The following PCOLCE2 variants were observed in gnomAD, a reference collection of about 807,000 sequenced individuals.
PCOLCE2 encodes the protein procollagen C-proteinase enhancer 2.
PCOLCE2 carries 42 observed loss-of-function variants against 47.0 expected under a neutral mutation model. That is an observed-to-expected ratio of 0.89 (90% CI 0.70 to 1.16). The LOEUF (loss-of-function observed/expected upper bound fraction) is 1.16. Ranked by LOEUF, PCOLCE2 falls within the 50% of genes most tolerant of loss-of-function variation. PCOLCE2 has a pLI of 0.00. For synonymous variants in PCOLCE2, 169 were observed against 191.7 expected, an observed-to-expected ratio of 0.88 and a Z score of 0.98; for missense variants, 500 against 526.1, an observed-to-expected ratio of 0.95 and a Z score of 0.49.
chr3:142,841,419 C>T (rs1937263074), intron 4 of PCOLCE2, among the ~76,000 whole-genome samples: 1 of 152,054 alleles, frequency 6.6e-6, no homozygotes, highest in Admixed American at 6.5e-5. Context: ...AAAAGAGATG[C>T]TTAACTGTAA....
At position 142,818,213 on chromosome 3, in the gene PCOLCE2, T is replaced by C. The variant is rs1936972151; in HGVS notation, c.*122A>G. On this transcript the variant is annotated 3_prime_UTR_variant, in exon 9 of 9. Transcript: ENST00000295992. ...CTCCATCATGTGAAGAGTCAACCAG[T>C]CCCATCTTTCGGAATCCTCTTTCAG... 1.1e-6 allele frequency: 1 copy of C among 923,560 alleles called. No individual in the cohort carries two copies. The highest frequency in any genetic ancestry group is 1.6e-5 in the South Asian group (1 of 60,628). 57.2% of individuals were successfully genotyped at this position (923,560 alleles called of 1,614,324 possible).
chr3:142,861,032 C>A (rs977290724), intron 2 of PCOLCE2, among the ~76,000 whole-genome samples: 2 of 152,314 alleles, frequency 1.3e-5, no homozygotes, highest in South Asian at 4.1e-4. Context: ...CAAAGGTGTA[C>A]AGAGATTAAA....
intron 7 of PCOLCE2, among the ~76,000 whole-genome samples, chr3:142,821,693 CT>C (rs34273573): frequency 0.22 from 32,655 of 149,868 alleles, 3,595 homozygotes; most frequent in East Asian, 0.29. Flanking sequence ...TTAACTTAAA[CT>C]TTTTTTTTTC....
chr3:142,884,932 A>G (rs1472360847), intron 2 of PCOLCE2, among the ~76,000 whole-genome samples: 1 of 152,250 alleles, frequency 6.6e-6, no homozygotes. Flanking sequence ...TGTGGCTAGT[A>G]TGACTAAGAA....
At chr3:142,837,100 G>A (rs750897867) in intron 5 of PCOLCE2, among the ~76,000 whole-genome samples, 23 of 152,184 alleles carry the variant, frequency 1.5e-4, no homozygotes, top group East Asian at 7.7e-4. Flanking sequence ...CAGAAGCAGC[G>A]ACTGAAGTGA....
chr3:142,829,936 G>A (rs1053017995), intron 5 of PCOLCE2, 90 bp from the exon 6 acceptor site: 81 of 660,520 alleles, frequency 1.2e-4, no homozygotes, highest in Middle Eastern at 4.1e-4. Flanking sequence ...ATTAACTTCC[G>A]ACAATAGATT....
At chr3:142,821,182 C>A in intron 7 of PCOLCE2, 137 bp from the exon 8 acceptor site, 1 of 662,000 alleles carries the variant, frequency 1.5e-6, no homozygotes, top group Non-Finnish European at 2.5e-6. Context: ...AGAGGTTTCA[C>A]ATTTGCTTCT....
intron 1 of PCOLCE2, among the ~76,000 whole-genome samples, chr3:142,888,064 T>C (rs1303950255): frequency 6.6e-6 from 1 of 152,202 alleles, no homozygotes; most frequent in Non-Finnish European, 1.5e-5. Flanking sequence ...AGGAAAATGG[T>C]AAATACATCA....
chr3:142,821,502 T>C (rs1937015133), intron 7 of PCOLCE2, among the ~76,000 whole-genome samples: 1 of 152,130 alleles, frequency 6.6e-6, no homozygotes, highest in African/African-American at 2.4e-5. Flanking sequence ...TGTAGCCACC[T>C]TTCTGTGTCT....
At chr3:142,855,224 A>C (rs1933038263) in intron 2 of PCOLCE2, among the ~76,000 whole-genome samples, 1 of 152,206 alleles carries the variant, frequency 6.6e-6, no homozygotes, top group Non-Finnish European at 1.5e-5. Flanking sequence ...TCTCACTATC[A>C]GAATGTAAGC....
intron 4 of PCOLCE2, among the ~76,000 whole-genome samples, chr3:142,841,810 C>T (rs1937266438): frequency 6.6e-6 from 1 of 151,976 alleles, no homozygotes; most frequent in African/African-American, 2.4e-5. Flanking sequence ...TTTTTAAAAA[C>T]AGTATCATAA....
At chr3:142,819,241 G>A (rs1936986160) in intron 8 of PCOLCE2, among the ~76,000 whole-genome samples, 1 of 152,118 alleles carries the variant, frequency 6.6e-6, no homozygotes, top group Admixed American at 6.5e-5. Flanking sequence ...CCTAGACTGG[G>A]GCCTGAGGTG....
chr3:142,876,911 G>A (rs1933507249), intron 2 of PCOLCE2, among the ~76,000 whole-genome samples: 1 of 152,226 alleles, frequency 6.6e-6, no homozygotes, highest in South Asian at 2.1e-4. Flanking sequence ...AGGAGGTGTG[G>A]TGATTGGGGA....
chr3:142,840,001 G>A (rs1422711083), intron 4 of PCOLCE2, among the ~76,000 whole-genome samples: 1 of 152,194 alleles, frequency 6.6e-6, no homozygotes, highest in Non-Finnish European at 1.5e-5. Flanking sequence ...GTAGGAGGGT[G>A]AGCTGAGTGG....
intron 2 of PCOLCE2, among the ~76,000 whole-genome samples, chr3:142,859,909 G>A (rs1933146388): frequency 6.6e-6 from 1 of 152,214 alleles, no homozygotes; most frequent in Non-Finnish European, 1.5e-5. Context: ...AGAGAAATCA[G>A]AGTAAAGAAG....
intron 2 of PCOLCE2, among the ~76,000 whole-genome samples, chr3:142,859,327 T>G (rs1021724279): frequency 2.0e-5 from 3 of 152,054 alleles, no homozygotes; most frequent in Non-Finnish European, 2.9e-5. Flanking sequence ...CTTCACAAAG[T>G]GCTGAGATTA....
chr3:142,833,763 CT>C (rs940167553), intron 5 of PCOLCE2, among the ~76,000 whole-genome samples: 9 of 151,970 alleles, frequency 5.9e-5, no homozygotes, highest in East Asian at 3.9e-4. Context: ...CTTTTACCCC[CT>C]TTTTTTTCCT....
intron 2 of PCOLCE2, among the ~76,000 whole-genome samples, chr3:142,864,889 A>T (rs1933251411): frequency 1.3e-5 from 2 of 152,200 alleles, no homozygotes; most frequent in African/African-American, 4.8e-5. Flanking sequence ...CCACATATTT[A>T]TCCATTTACC....
intron 1 of PCOLCE2, 97 bp downstream of exon 1, chr3:142,888,717 A>C: frequency 6.3e-5 from 40 of 632,970 alleles, no homozygotes; most frequent in Middle Eastern, 3.2e-4. Context: ...TGGGTCACCC[A>C]GGCGCGCCGA....
Sources: allele counts gnomAD v4.1 joint callset (sites outside exome capture counted in the v4.1 genomes callset), GRCh38; gene constraint gnomAD v4.1.1; transcripts MANE v1.5; gene names NCBI Gene and HGNC (gene_info 2026-07-23, HGNC 2026-07-21).